ANKIB1: variants seen among roughly 807,000 people sequenced by gnomAD.
ANKIB1 encodes ankyrin repeat and IBR domain containing 1.
ANKIB1 carries 43 observed loss-of-function variants against 122.1 expected under a neutral mutation model. The observed-to-expected ratio is 0.35, with a 90% CI of 0.28 to 0.45. The LOEUF (loss-of-function observed/expected upper bound fraction) is 0.45. Ranked by LOEUF, ANKIB1 falls within the 20% of genes least tolerant of loss-of-function variation. The probability of loss-of-function intolerance (pLI) is 1.00; values close to 1 mark genes in which losing one functional copy is unlikely to be tolerated. For synonymous variants in ANKIB1, 390 were observed against 442.0 expected (o/e 0.88, Z 1.48); for missense variants, 992 against 1,329.5 (o/e 0.75, Z 3.95).
chr7:92,307,307 G>T, intron 2 of ANKIB1, 52 bp from the exon 3 acceptor site: 3 of 1,500,224 alleles, frequency 2.0e-6, no homozygotes, highest in Non-Finnish European at 2.7e-6. Flanking sequence ...GTATTTCAAG[G>T]TAGAAAATAA....
intron 1 of ANKIB1, among the ~76,000 whole-genome samples, chr7:92,280,459 C>T (rs1033935209): frequency 2.7e-4 from 41 of 151,200 alleles, no homozygotes; most frequent in Admixed American, 2.1e-3. Context: ...CACCCCCCCC[C>T]CCTTTTTTTC....
intron 4 of ANKIB1, chr7:92,320,055 A>G (rs1293770482): frequency 6.6e-6 from 1 of 152,254 alleles, no homozygotes; most frequent in Non-Finnish European, 1.5e-5. Context: ...TATGAATCCC[A>G]TTTACTCCTC....
chr7:92,274,034 A>G (rs752351305), intron 1 of ANKIB1, among the ~76,000 whole-genome samples: 5 of 151,950 alleles, frequency 3.3e-5, no homozygotes, highest in Admixed American at 6.6e-5. Context: ...CCGGCCTCCC[A>G]AAAGTGTTGG....
At position 92,398,434 on chromosome 7, in the gene ANKIB1, G is replaced by A; in HGVS notation, c.2755G>A (p.Gly919Ser). The A allele has an allele frequency of 1.9e-6, 3 of 1,613,808 alleles. No homozygotes were observed. Among genetic ancestry groups the A allele is most frequent in the Admixed American group, 1.7e-5 (1 of 59,988 alleles). The change falls in exon 20 of 20, where the codon GGT becomes AGT. Residue 919 changes from glycine to serine, a missense_variant. Coordinates refer to ENST00000265742, the MANE Select transcript of ANKIB1 (RefSeq NM_019004.2). ...GAGCAGCTCTGAGCTTTTGGAACTT[G>A]GTGACAGCCTCATGAGACTAGGAGC... is the stretch of plus-strand genomic sequence containing the variant. ...ALSSSELLEL[G>S]DSLMRLGAEN...
At chr7:92,266,621 C>T (rs1801676271) in intron 1 of ANKIB1, among the ~76,000 whole-genome samples, 1 of 152,182 alleles carries the variant, frequency 6.6e-6, no homozygotes, top group African/African-American at 2.4e-5. Flanking sequence ...ACCAGCGGAA[C>T]TCACTGGGGG....
In ANKIB1 at chr7:92,391,149, T is replaced by C. The variant is rs1454922417; in HGVS notation, c.2053-17T>C. 5 of 1,564,456 alleles carry C rather than the reference T, an allele frequency of 3.2e-6. No homozygotes were observed. The South Asian group carries it at 4.8e-5, about 15-fold the overall frequency. ...CTATGAAGCCTGTGATTTTTTTTTT[T>C]TCTCTGCTTACTATAGACAGACCTA... On this transcript the variant is annotated splice_polypyrimidine_tract_variant and intron_variant, in intron 15 of 19. Coordinates refer to ENST00000265742, the MANE Select transcript of ANKIB1 (RefSeq NM_019004.2).
chr7:92,301,226 A>T (rs1055703858), intron 2 of ANKIB1, among the ~76,000 whole-genome samples: 1 of 152,144 alleles, frequency 6.6e-6, no homozygotes, highest in East Asian at 1.9e-4. Context: ...AGATTCCTGG[A>T]TCATATGGTA....
chr7:92,279,940 C>G (rs1801983545), intron 1 of ANKIB1, among the ~76,000 whole-genome samples: 1 of 152,172 alleles, frequency 6.6e-6, no homozygotes, highest in African/African-American at 2.4e-5. Context: ...GGGTCAGAAT[C>G]TGATTTTACA....
intron 1 of ANKIB1, among the ~76,000 whole-genome samples, chr7:92,284,096 A>G (rs1802065165): frequency 6.6e-6 from 1 of 152,204 alleles, no homozygotes; most frequent in African/African-American, 2.4e-5. Flanking sequence ...CTTTAGATGA[A>G]TACAGGTTAA....
At chr7:92,313,576 G>T (rs1238287502) in intron 3 of ANKIB1, among the ~76,000 whole-genome samples, 2 of 152,106 alleles carry the variant, frequency 1.3e-5, no homozygotes, top group East Asian at 3.9e-4. Context: ...ACTGTTACAG[G>T]TATTGAAGAG....
rs189020322 is a variant in ANKIB1, at chr7:92,339,229, C to A, written c.788-3795C>A. On this transcript the variant is annotated intron_variant, in intron 5 of 19. Coordinates refer to ENST00000265742, the MANE Select transcript of ANKIB1 (RefSeq NM_019004.2). ...GCTAATTTTTTTGTATTTTTAGTAG[C>A]GATGGGGTTTCACTGTGTTAGCCAG... Among the ~76,000 whole-genome samples the A allele has an allele frequency of 9.7e-3, 1,460 of 150,438 alleles. 31 individuals are homozygous for A. Among genetic ancestry groups the A allele is most frequent in the African/African-American group, 0.033 (1,375 of 41,058 alleles).
chr7:92,291,158 G>T (rs1465786551), intron 1 of ANKIB1, among the ~76,000 whole-genome samples: 1 of 152,120 alleles, frequency 6.6e-6, no homozygotes, highest in African/African-American at 2.4e-5. Context: ...GAAGGTTGTG[G>T]TGGCGTATGC....
At chr7:92,376,303 CCTA>C (rs1804378541) in intron 11 of ANKIB1, among the ~76,000 whole-genome samples, 1 of 152,156 alleles carries the variant, frequency 6.6e-6, no homozygotes, top group Non-Finnish European at 1.5e-5. Context: ...GGCACTGTCT[CCTA>C]CTAGAAAGCA....
intron 5 of ANKIB1, among the ~76,000 whole-genome samples, chr7:92,331,267 TC>T (rs1364395985): frequency 1.3e-5 from 2 of 150,140 alleles, no homozygotes; most frequent in Admixed American, 6.6e-5. Flanking sequence ...CAACATCACT[TC>T]TTTTTTTTTT....
At chr7:92,260,016 G>T (rs1455284003) in intron 1 of ANKIB1, among the ~76,000 whole-genome samples, 6 of 152,054 alleles carry the variant, frequency 3.9e-5, no homozygotes, top group Non-Finnish European at 8.8e-5. Flanking sequence ...TCTGCTTCTA[G>T]CCTTTCTTCT....
chr7:92,249,634 C>G (rs912926270), intron 1 of ANKIB1, among the ~76,000 whole-genome samples: 24 of 151,944 alleles, frequency 1.6e-4, no homozygotes, highest in African/African-American at 5.3e-4. Context: ...GCAGGAGAAT[C>G]ACTTTAACCT....
chr7:92,291,597 G>A (rs1166749397), intron 1 of ANKIB1, among the ~76,000 whole-genome samples: 3 of 135,588 alleles, frequency 2.2e-5, no homozygotes, highest in African/African-American at 5.5e-5. Flanking sequence ...TTGAGACAGA[G>A]TCTTACACTG....
At chr7:92,348,920 T>C (rs1402760920) in intron 7 of ANKIB1, among the ~76,000 whole-genome samples, 1 of 152,218 alleles carries the variant, frequency 6.6e-6, no homozygotes, top group Non-Finnish European at 1.5e-5. Context: ...TGGGTAGTCA[T>C]TGTGGCCCAG....
chr7:92,338,056 C>T (rs184341398), intron 5 of ANKIB1, among the ~76,000 whole-genome samples: 7 of 151,716 alleles, frequency 4.6e-5, no homozygotes, highest in South Asian at 2.1e-4. Context: ...GTAGTTTAGG[C>T]AAGAAATAGG....
Sources: allele counts gnomAD v4.1 joint callset (sites outside exome capture counted in the v4.1 genomes callset), GRCh38; gene constraint gnomAD v4.1.1; transcripts MANE v1.5; gene names NCBI Gene and HGNC (gene_info 2026-07-23, HGNC 2026-07-21).